FERMT2: variants seen among roughly 807,000 people sequenced by gnomAD.
The protein encoded by FERMT2 is FERM domain containing kindlin 2.
A neutral mutation model predicts 82.7 loss-of-function variants in FERMT2; 15 were observed. The ratio of observed to expected loss-of-function variants is 0.18; its 90% CI spans 0.12 to 0.28. FERMT2 has a LOEUF of 0.28. Among genes scored for constraint, FERMT2 ranks in the 10% least tolerant of loss-of-function variants. The pLI is 1.00. For synonymous variants in FERMT2, 274 were observed against 271.5 expected, an observed-to-expected ratio of 1.01 and a Z score of -0.09; for missense variants, 645 against 809.4, an observed-to-expected ratio of 0.80 and a Z score of 2.46.
At chr14:52,935,880 A>G (rs1889813306) in intron 2 of FERMT2, among the ~76,000 whole-genome samples, 1 of 152,250 alleles carries the variant, frequency 6.6e-6, no homozygotes, top group Admixed American at 6.5e-5. Context: ...ATTATCCGAT[A>G]CTATAAGACA....
chr14:52,900,953 T>A (rs1213990917), intron 3 of FERMT2, among the ~76,000 whole-genome samples: 1 of 151,896 alleles, frequency 6.6e-6, no homozygotes, highest in Admixed American at 6.6e-5. Flanking sequence ...ATATAGAGCT[T>A]CCTATTAGGT....
At chr14:52,874,861 G>A (rs1014693354) in intron 8 of FERMT2, among the ~76,000 whole-genome samples, 1 of 152,134 alleles carries the variant, frequency 6.6e-6, no homozygotes, top group African/African-American at 2.4e-5. Context: ...TTTGAGATCA[G>A]ACTAGACAAC....
chr14:52,919,095 T>C, intron 3 of FERMT2, 28 bp downstream of exon 3: 2 of 1,506,130 alleles, frequency 1.3e-6, no homozygotes, highest in South Asian at 1.2e-5. Flanking sequence ...ATAACTCGTA[T>C]TTTAAGAAGA....
intron 2 of FERMT2, among the ~76,000 whole-genome samples, chr14:52,939,463 G>A (rs1889998749): frequency 6.6e-6 from 1 of 151,644 alleles, no homozygotes; most frequent in Non-Finnish European, 1.5e-5. Flanking sequence ...ATCTGGCTCA[G>A]CACAGGGAGA....
intron 7 of FERMT2, among the ~76,000 whole-genome samples, chr14:52,876,628 T>G (rs1885970330): frequency 6.6e-6 from 1 of 152,350 alleles, no homozygotes; most frequent in South Asian, 2.1e-4. Flanking sequence ...CTGACTTAAA[T>G]GCTTTAAAAA....
rs188772303 is a variant in FERMT2 at position 52,862,070 on chromosome 14, A to G, written c.1603-1605T>C. On this transcript the variant is annotated intron_variant, in intron 12 of 14. Coordinates refer to ENST00000341590, the MANE Select transcript of FERMT2 (RefSeq NM_006832.3). ...TCATGGTCGCTATTCTCTGGAAACA[A>G]TTTTTTTTTCTGAGACAGAATTTCA... 7.9e-5 allele frequency: 12 copies of G among 151,384 alleles called. No individual in the cohort carries two copies. In the East Asian group the frequency reaches 2.2e-3, roughly 27 times the overall value. The allele number at this position is 151,384 out of a possible 1,614,324, so 9.4% of individuals were successfully genotyped here.
intron 2 of FERMT2, among the ~76,000 whole-genome samples, chr14:52,942,909 A>T (rs891802257): frequency 6.6e-6 from 1 of 152,134 alleles, no homozygotes; most frequent in East Asian, 1.9e-4. Context: ...TGTGAAAAAG[A>T]ACCTATAAAA....
At chr14:52,906,573 A>C (rs1379622989) in intron 3 of FERMT2, among the ~76,000 whole-genome samples, 2 of 152,166 alleles carry the variant, frequency 1.3e-5, no homozygotes, top group Non-Finnish European at 2.9e-5. Context: ...AATAACTCAG[A>C]TGATAAAGAA....
Position 52,951,027 on chromosome 14 carries a change from C to A in FERMT2, c.-116G>T, listed in dbSNP as rs1377914785. 6.6e-6 allele frequency: 1 copy of A among 152,500 alleles called. No homozygotes were observed. The highest frequency in any genetic ancestry group is 1.5e-5 in the Non-Finnish European group (1 of 68,540). The allele number at this position is 152,500 out of a possible 1,614,324, so 9.4% of individuals were successfully genotyped here. A position where few individuals can be genotyped will look rare whatever the true frequency, so the allele number is the denominator to read the frequency against. Reference sequence around the variant, plus strand: ...GTCCGGTTCCTCGGCTGGCGAAGCGCTGCCTGTGGCCGGAGCGGCTAATGG... The same window carrying A: ...GTCCGGTTCCTCGGCTGGCGAAGCGATGCCTGTGGCCGGAGCGGCTAATGG... On this transcript the variant is annotated 5_prime_UTR_variant, in exon 1 of 15. Coordinates refer to ENST00000341590, the MANE Select transcript of FERMT2 (RefSeq NM_006832.3).
intron 10 of FERMT2, among the ~76,000 whole-genome samples, chr14:52,870,002 T>A (rs906596362): frequency 1.3e-5 from 2 of 152,132 alleles, no homozygotes; most frequent in Non-Finnish European, 2.9e-5. Context: ...AATAAGGATA[T>A]AAAGAAAATA....
intron 2 of FERMT2, among the ~76,000 whole-genome samples, chr14:52,939,932 T>C (rs1323972598): frequency 6.6e-6 from 1 of 152,230 alleles, no homozygotes; most frequent in African/African-American, 2.4e-5. Flanking sequence ...TCAATAATGC[T>C]AGCACTTTAT....
chr14:52,925,055 C>G (rs1889175385), intron 2 of FERMT2, among the ~76,000 whole-genome samples: 1 of 152,190 alleles, frequency 6.6e-6, no homozygotes, highest in South Asian at 2.1e-4. Flanking sequence ...TTATATCACA[C>G]TACCTATCTT....
At chr14:52,905,982 A>T (rs2139595729) in intron 3 of FERMT2, among the ~76,000 whole-genome samples, 1 of 152,352 alleles carries the variant, frequency 6.6e-6, no homozygotes, top group South Asian at 2.1e-4. Flanking sequence ...TGTTTTATTT[A>T]AACAATAAGA....
intron 10 of FERMT2, among the ~76,000 whole-genome samples, chr14:52,870,599 T>C (rs1266396055): frequency 6.6e-6 from 1 of 152,186 alleles, no homozygotes; most frequent in African/African-American, 2.4e-5. Context: ...ATACTTACTA[T>C]TGTGTTACAG....
Position 52,893,331 on chromosome 14 carries a change from G to A in FERMT2, c.488C>T (p.Ala163Val), listed in dbSNP as rs1452021159. Residue 163 changes from alanine (A) to valine (V), a missense_variant, in exon 4 of 15, where the codon GCA becomes GTA. Physicochemically the swap from Ala to Val is moderately conservative, Grantham distance 64. Transcript: ENST00000341590. ...GATAAGAGGCCCCTCTAATTCAAGT[G>A]CCTCATCTTCAGACTGGTCATCTAG... Reference protein sequence around the residue: ...KKLDDQSEDEALELEGPLITP... With the variant: ...KKLDDQSEDEVLELEGPLITP... 6.2e-7 allele frequency: 1 copy of A among 1,611,662 alleles called. No homozygotes were observed. The highest frequency in any genetic ancestry group is 8.5e-7 in the Non-Finnish European group (1 of 1,179,262).
intron 12 of FERMT2, chr14:52,862,978 G>A (rs1335276188): frequency 1.3e-5 from 2 of 152,140 alleles, no homozygotes; most frequent in African/African-American, 4.8e-5. Flanking sequence ...GATAAAATTG[G>A]TCAGGTTTGA....
At chr14:52,944,350 G>T (rs930039589) in intron 2 of FERMT2, among the ~76,000 whole-genome samples, 4 of 152,112 alleles carry the variant, frequency 2.6e-5, no homozygotes, top group African/African-American at 9.7e-5. Flanking sequence ...CATCATGTAG[G>T]CATTAATTTC....
chr14:52,937,452 T>A (rs879733123), intron 2 of FERMT2, among the ~76,000 whole-genome samples: 1 of 152,194 alleles, frequency 6.6e-6, no homozygotes, highest in Admixed American at 6.5e-5. Flanking sequence ...AATGCCTTTC[T>A]TCCTAACTTT....
intron 2 of FERMT2, among the ~76,000 whole-genome samples, chr14:52,929,985 T>G (rs1295612283): frequency 6.6e-6 from 1 of 152,184 alleles, no homozygotes; most frequent in Non-Finnish European, 1.5e-5. Context: ...TTTGAAAATT[T>G]TAAAGATCTC....
Sources: allele counts gnomAD v4.1 joint callset (sites outside exome capture counted in the v4.1 genomes callset), GRCh38; gene constraint gnomAD v4.1.1; transcripts MANE v1.5; gene names NCBI Gene and HGNC (gene_info 2026-07-23, HGNC 2026-07-21).